The following LRMDA variants were observed in gnomAD, a reference collection of about 807,000 sequenced individuals.
The protein encoded by LRMDA is leucine rich melanocyte differentiation associated.
Under a neutral mutation model 29.8 loss-of-function variants are expected in LRMDA, and 18 were observed. The ratio of observed to expected loss-of-function variants is 0.60; its 90% CI spans 0.42 to 0.90. The LOEUF is 0.90. Among genes scored for constraint, LRMDA ranks in the 40% least tolerant of loss-of-function variants. The pLI, the probability that LRMDA is intolerant of heterozygous loss-of-function variation, is 0.00. For synonymous variants in LRMDA, 125 were observed against 109.4 expected (o/e 1.14, Z -0.89); for missense variants, 273 against 273.9 (o/e 1.00, Z 0.02).
chr10:75,981,775 G>T (rs934518566), intron 2 of LRMDA, among the ~76,000 whole-genome samples: 1 of 151,128 alleles, frequency 6.6e-6, no homozygotes, highest in Non-Finnish European at 1.5e-5. Context: ...TCACTCGAAC[G>T]TGGGAAGTGG....
rs565241890 is a variant in LRMDA at position 76,126,523 on chromosome 10, C to G, written c.516+67740C>G. Among the ~76,000 whole-genome samples the G allele has an allele frequency of 2.0e-5, 3 of 152,294 alleles. No individual in the cohort carries two copies. The South Asian group carries it at 6.2e-4, about 32-fold the overall frequency. ...AAATATAGAGAAGAAAGAGTCCGCT[C>G]CTGCTGGGGTCTTTCATCCAGCCAA... On this transcript the variant is annotated intron_variant, in intron 5 of 6. Transcript: ENST00000611255.
At chr10:75,885,405 T>C (rs1349071003) in intron 2 of LRMDA, among the ~76,000 whole-genome samples, 1 of 152,202 alleles carries the variant, frequency 6.6e-6, no homozygotes, top group African/African-American at 2.4e-5. Context: ...CCTCTTCACT[T>C]CTCCAGGTCT....
intron 2 of LRMDA, among the ~76,000 whole-genome samples, chr10:75,923,257 G>A (rs561890351): frequency 6.6e-6 from 1 of 152,172 alleles, no homozygotes; most frequent in Non-Finnish European, 1.5e-5. Context: ...ATTGAAGAGG[G>A]TATAGATGTC....
intron 6 of LRMDA, among the ~76,000 whole-genome samples, chr10:76,542,694 G>A (rs530734387): frequency 2.2e-4 from 34 of 152,334 alleles, no homozygotes; most frequent in Non-Finnish European, 3.5e-4. Flanking sequence ...CACAGGCAGC[G>A]TGGAGTATCA....
intron 6 of LRMDA, among the ~76,000 whole-genome samples, chr10:76,536,222 G>A (rs1272775507): frequency 1.3e-5 from 2 of 152,162 alleles, no homozygotes; most frequent in Admixed American, 6.5e-5. Flanking sequence ...GAAAATTAAT[G>A]TTAAGTCACC....
At chr10:75,653,658 C>T (rs76406643) in intron 2 of LRMDA, among the ~76,000 whole-genome samples, 2,260 of 152,268 alleles carry the variant, frequency 0.015, 67 homozygotes, top group African/African-American at 0.052. Context: ...ACGTATGCTT[C>T]GCTAAAGAGC....
At chr10:75,828,961 C>T (rs907451224) in intron 2 of LRMDA, among the ~76,000 whole-genome samples, 2 of 152,088 alleles carry the variant, frequency 1.3e-5, no homozygotes, top group African/African-American at 4.8e-5. Flanking sequence ...CTGTCCCTGC[C>T]GTTGAGCCTG....
chr10:75,819,226 A>C (rs758816120), intron 2 of LRMDA, among the ~76,000 whole-genome samples: 7 of 152,214 alleles, frequency 4.6e-5, no homozygotes, highest in Non-Finnish European at 1.0e-4. Context: ...ACAAGAGAGC[A>C]AGGTGGGAAA....
rs1019822404 is a variant in LRMDA, at chr10:76,470,248, G to A, written c.602-86961G>A. 1.4e-4 allele frequency: 21 copies of A among 151,658 alleles called. 1 individual carries two copies. The highest frequency in any genetic ancestry group is 3.2e-3 in the Middle Eastern group (1 of 316). 9.4% of individuals were successfully genotyped at this position (151,658 alleles called of 1,614,324 possible). ...CCCAGACATTAATTCAAAACCACAC[G>A]AATAAACAAAAAGCACCAGTAAAGG... On this transcript the variant is annotated intron_variant, in intron 6 of 6. Transcript: ENST00000611255.
chr10:76,365,910 G>T (rs1019755942), intron 6 of LRMDA, among the ~76,000 whole-genome samples: 1 of 152,152 alleles, frequency 6.6e-6, no homozygotes, highest in Non-Finnish European at 1.5e-5. Context: ...TCCATCTTGA[G>T]TTGATTTTTG....
chr10:75,467,130 C>T (rs1011104422), intron 2 of LRMDA, among the ~76,000 whole-genome samples: 2 of 152,118 alleles, frequency 1.3e-5, no homozygotes, highest in Admixed American at 6.5e-5. Context: ...AGTACGACGA[C>T]GTGGACATAT....
intron 2 of LRMDA, among the ~76,000 whole-genome samples, chr10:75,870,921 C>T (rs1228322954): frequency 6.6e-6 from 1 of 150,444 alleles, no homozygotes; most frequent in Non-Finnish European, 1.5e-5. Flanking sequence ...TTTGGTCCCT[C>T]ACACCCCTTT....
rs1589169471 is a variant in LRMDA at position 75,526,151 on chromosome 10, A to T, written c.131+87657A>T. Among the ~76,000 whole-genome samples, 4 of 151,896 alleles carry T rather than the reference A, an allele frequency of 2.6e-5. No individual in the cohort carries two copies. The South Asian group carries it at 8.3e-4, about 32-fold the overall frequency. ...TGTGATCATAGCCCACTGCAGCCTC[A>T]ACCTCCTGGGCTCAAGGGATCCTCC... On this transcript the variant is annotated intron_variant, in intron 2 of 6. Transcript: ENST00000611255.
intron 2 of LRMDA, among the ~76,000 whole-genome samples, chr10:75,646,427 A>C (rs1162269088): frequency 6.6e-6 from 1 of 152,188 alleles, no homozygotes; most frequent in East Asian, 1.9e-4. Context: ...CTTGCCTTCT[A>C]TAATATCACT....
chr10:75,779,829 C>G (rs999136173), intron 2 of LRMDA, among the ~76,000 whole-genome samples: 1 of 152,140 alleles, frequency 6.6e-6, no homozygotes, highest in Non-Finnish European at 1.5e-5. Context: ...GTGACCCCCC[C>G]AGCCCTACAA....
At chr10:75,818,568 T>G (rs1014894534) in intron 2 of LRMDA, among the ~76,000 whole-genome samples, 1 of 152,224 alleles carries the variant, frequency 6.6e-6, no homozygotes, top group African/African-American at 2.4e-5. Context: ...CAGAACTGCC[T>G]TCTTCTCCAG....
chr10:76,346,537 T>C (rs1841110668), intron 6 of LRMDA: 1 of 152,118 alleles, frequency 6.6e-6, no homozygotes, highest in African/African-American at 2.4e-5. Context: ...TAAAGAAATA[T>C]GGAGAAAAAT....
intron 2 of LRMDA, among the ~76,000 whole-genome samples, chr10:75,564,809 T>C (rs2132065566): frequency 6.6e-6 from 1 of 152,326 alleles, no homozygotes; most frequent in Non-Finnish European, 1.5e-5. Flanking sequence ...TGGTATGGGG[T>C]GAGGCCTAGA....
chr10:76,481,156 T>G (rs1842729861), intron 6 of LRMDA, among the ~76,000 whole-genome samples: 1 of 151,994 alleles, frequency 6.6e-6, no homozygotes, highest in Non-Finnish European at 1.5e-5. Context: ...TACAATTCTA[T>G]TAAATGATAT....
Sources: allele counts gnomAD v4.1 joint callset (sites outside exome capture counted in the v4.1 genomes callset), GRCh38; gene constraint gnomAD v4.1.1; transcripts MANE v1.5; gene names NCBI Gene and HGNC (gene_info 2026-07-23, HGNC 2026-07-21).